Variants in CDC42SE2 observed in about 807,000 individuals in gnomAD.
CDC42SE2 encodes CDC42 small effector protein 2.
In CDC42SE2, 3 loss-of-function variants were observed where a neutral mutation model predicts 11.5. The observed-to-expected ratio is 0.26, with a 90% CI of 0.12 to 0.67. The LOEUF is 0.67. Among genes scored for constraint, CDC42SE2 ranks in the 30% least tolerant of loss-of-function variants. The probability of loss-of-function intolerance (pLI) is 0.80; values close to 1 mark genes in which losing one functional copy is unlikely to be tolerated. For missense variants in CDC42SE2, 82 were observed against 106.8 expected, an observed-to-expected ratio of 0.77 and a Z score of 1.02; for synonymous variants, 33 against 34.8, an observed-to-expected ratio of 0.95 and a Z score of 0.18.
chr5:131,353,508 C>T (rs1749420068), intron 2 of CDC42SE2, among the ~76,000 whole-genome samples: 1 of 152,172 alleles, frequency 6.6e-6, no homozygotes, highest in African/African-American at 2.4e-5. Flanking sequence ...TCTTGAACTC[C>T]TGGCCTCATG....
intron 2 of CDC42SE2, among the ~76,000 whole-genome samples, chr5:131,319,093 C>T (rs1023566060): frequency 1.2e-4 from 18 of 151,934 alleles, no homozygotes; most frequent in African/African-American, 3.9e-4. Flanking sequence ...TTAGTAGAGA[C>T]GGGGTTTCAC....
chr5:131,355,087 G>T (rs1057300323), intron 2 of CDC42SE2, among the ~76,000 whole-genome samples: 1 of 152,090 alleles, frequency 6.6e-6, no homozygotes, highest in Non-Finnish European at 1.5e-5. Context: ...TATAAAGCAA[G>T]TATTTCAAAC....
chr5:131,238,847 T>C, the CDC42SE2 span, among the ~76,000 whole-genome samples: 1 of 152,166 alleles, frequency 6.6e-6, no homozygotes, highest in Non-Finnish European at 1.5e-5. Flanking sequence ...TTGATTCTTG[T>C]CTTTTCTTTA....
intron 3 of CDC42SE2, among the ~76,000 whole-genome samples, chr5:131,368,335 G>A (rs769694544): frequency 2.0e-5 from 3 of 151,540 alleles, no homozygotes; most frequent in Non-Finnish European, 2.9e-5. Context: ...ACATGCATGA[G>A]TCAGACTCTA....
intron 1 of CDC42SE2, among the ~76,000 whole-genome samples, chr5:131,254,728 T>C (rs114541417): frequency 0.013 from 2,025 of 152,252 alleles, 34 homozygotes; most frequent in African/African-American, 0.043. Context: ...TCTAGTCCAA[T>C]GTTTTTAAAG....
Position 131,392,721 on chromosome 5 carries a change from A to G in CDC42SE2, c.*1630A>G, listed in dbSNP as rs951710941. 4.6e-5 allele frequency: 7 copies of G among 152,290 alleles called. No individual in the cohort carries two copies. Among genetic ancestry groups the G allele is most frequent in the African/African-American group, 1.7e-4 (7 of 41,424 alleles). The allele number at this position is 152,290 out of a possible 1,614,324, so 9.4% of individuals were successfully genotyped here. On this transcript the variant is annotated 3_prime_UTR_variant, in exon 5 of 5. Transcript: ENST00000505065. ...AATCCTGAGCATCTTCATCTTATTA[A>G]TTAGCTGTTCGTTTCTTTGTGCACT...
intron 2 of CDC42SE2, among the ~76,000 whole-genome samples, chr5:131,318,180 C>G (rs955298391): frequency 2.0e-5 from 3 of 152,182 alleles, no homozygotes; most frequent in Non-Finnish European, 2.9e-5. Context: ...CTCAAGAGGT[C>G]TACCTGCGTT....
At chr5:131,346,014 A>G (rs1431359061) in intron 2 of CDC42SE2, among the ~76,000 whole-genome samples, 1 of 152,226 alleles carries the variant, frequency 6.6e-6, no homozygotes, top group Admixed American at 6.5e-5. Flanking sequence ...CAACATGGAA[A>G]GGAGCAACTG....
intron 1 of CDC42SE2, among the ~76,000 whole-genome samples, chr5:131,286,824 A>G (rs1252007210): frequency 1.3e-5 from 2 of 151,822 alleles, no homozygotes; most frequent in Non-Finnish European, 2.9e-5. Flanking sequence ...TATACTAGAT[A>G]CATGTTAATG....
Position 131,391,175 on chromosome 5 carries a change from A to ATG in CDC42SE2, c.*86_*87dup. On this transcript the variant is annotated 3_prime_UTR_variant, in exon 5 of 5. Coordinates refer to ENST00000505065, the MANE Select transcript of CDC42SE2 (RefSeq NM_001375635.1). The stretch of plus-strand genomic sequence containing the variant: ...TGGCCAGGCCAATAATAGTAAATAT[A>ATG]TGTATATATATATAATTTTTTAATG... 1.8e-6 allele frequency: 1 copy of ATG among 542,930 alleles called. No individual in the cohort carries two copies. Among genetic ancestry groups the ATG allele is most frequent in the Non-Finnish European group, 2.9e-6 (1 of 350,676 alleles). The allele number at this position is 542,930 out of a possible 1,614,324, so 33.6% of individuals were successfully genotyped here.
intron 1 of CDC42SE2, among the ~76,000 whole-genome samples, chr5:131,301,757 C>CAA (rs776546882): frequency 4.7e-4 from 50 of 106,454 alleles, no homozygotes; most frequent in African/African-American, 1.5e-3. Context: ...GACTCCGTCT[C>CAA]AAAAAAAAAA....
chr5:131,277,247 C>T (rs1757123308), intron 1 of CDC42SE2, among the ~76,000 whole-genome samples: 1 of 152,148 alleles, frequency 6.6e-6, no homozygotes, highest in Non-Finnish European at 1.5e-5. Flanking sequence ...TGTTTCTGAG[C>T]TGGTGTGTAG....
chr5:131,292,191 A>G (rs13185787), intron 1 of CDC42SE2, among the ~76,000 whole-genome samples: 80,728 of 136,202 alleles, frequency 0.59, 26,958 homozygotes, highest in Non-Finnish European at 0.76. Flanking sequence ...GTGATCCGAG[A>G]TTGTACCACT....
chr5:131,312,358 A>G (rs1333531854), intron 1 of CDC42SE2, among the ~76,000 whole-genome samples: 1 of 152,130 alleles, frequency 6.6e-6, no homozygotes. Context: ...GCTGTCAGAC[A>G]GGGACATTTA....
At chr5:131,364,645 T>C (rs1580780715) in intron 3 of CDC42SE2, among the ~76,000 whole-genome samples, 1 of 152,262 alleles carries the variant, frequency 6.6e-6, no homozygotes, top group Non-Finnish European at 1.5e-5. Context: ...TACTGCACAC[T>C]GTAGCCCAGT....
intron 1 of CDC42SE2, among the ~76,000 whole-genome samples, chr5:131,291,777 A>C (rs1478440597): frequency 6.6e-6 from 1 of 152,104 alleles, no homozygotes; most frequent in African/African-American, 2.4e-5. Context: ...GATATAACAA[A>C]CACCACCCGG....
At chr5:131,219,254 A>G in the CDC42SE2 span, among the ~76,000 whole-genome samples, 68 of 152,340 alleles carry the variant, frequency 4.5e-4, 1 homozygote, top group South Asian at 8.5e-3. Context: ...AACATATTAC[A>G]TAGTTGGGGA....
chr5:131,337,321 G>C lies in CDC42SE2; in HGVS notation c.-286+21177G>C, dbSNP rs191754186. On this transcript the variant is annotated intron_variant, in intron 2 of 4. Coordinates refer to ENST00000505065, the MANE Select transcript of CDC42SE2 (RefSeq NM_001375635.1). ...CGCAAATGCTGCTGCCTGATCGTTC[G>C]TCTGGAAGTTTTGTCTCAGAGGAGT... 3.8e-3 allele frequency among the ~76,000 whole-genome samples: 585 copies of C among 152,252 alleles called. 2 individuals are homozygous for C. Among genetic ancestry groups the C allele is most frequent in the Non-Finnish European group, 3.4e-3 (232 of 68,034 alleles).
intron 1 of CDC42SE2, among the ~76,000 whole-genome samples, chr5:131,272,672 G>A (rs2149694803): frequency 6.6e-6 from 1 of 152,044 alleles, no homozygotes; most frequent in East Asian, 1.9e-4. Context: ...TAGATGTATT[G>A]AAATATCTCC....
Sources: allele counts gnomAD v4.1 joint callset (sites outside exome capture counted in the v4.1 genomes callset), GRCh38; gene constraint gnomAD v4.1.1; transcripts MANE v1.5; gene names NCBI Gene and HGNC (gene_info 2026-07-23, HGNC 2026-07-21).